RNFT2: variants seen among roughly 807,000 people sequenced by gnomAD.
RNFT2 encodes E3 ubiquitin-protein ligase RNFT2.
In RNFT2, 36 loss-of-function variants were observed where a neutral mutation model predicts 53.0. The observed-to-expected ratio is 0.68, with a 90% CI of 0.52 to 0.90. The LOEUF (loss-of-function observed/expected upper bound fraction) is 0.90, where lower values mean the gene tolerates loss of function less well. Among genes scored for constraint, RNFT2 ranks in the 40% least tolerant of loss-of-function variants. RNFT2 has a pLI of 0.00. For missense variants in RNFT2, 514 were observed against 585.6 expected, an observed-to-expected ratio of 0.88 and a Z score of 1.26; for synonymous variants, 260 against 253.2, an observed-to-expected ratio of 1.03 and a Z score of -0.26.
At chr12:116,781,670 C>G (rs113307712) in intron 7 of RNFT2, among the ~76,000 whole-genome samples, 4 of 152,064 alleles carry the variant, frequency 2.6e-5, no homozygotes, top group African/African-American at 4.8e-5. Flanking sequence ...TTATAAGGAC[C>G]CTGTGATGAC....
At chr12:116,762,182 C>G (rs1872717406) in intron 5 of RNFT2, among the ~76,000 whole-genome samples, 1 of 151,888 alleles carries the variant, frequency 6.6e-6, no homozygotes, top group Admixed American at 6.6e-5. Context: ...AGTTTGAGAC[C>G]AGCCTGAACA....
intron 6 of RNFT2, among the ~76,000 whole-genome samples, chr12:116,767,419 G>A (rs1017027473): frequency 6.6e-6 from 1 of 152,004 alleles, no homozygotes; most frequent in Non-Finnish European, 1.5e-5. Context: ...GGGTTTCCCT[G>A]TGTTGCCCAG....
intron 7 of RNFT2, among the ~76,000 whole-genome samples, chr12:116,830,982 G>T (rs1056487563): frequency 6.6e-6 from 1 of 151,554 alleles, no homozygotes; most frequent in Non-Finnish European, 1.5e-5. Context: ...TATTTGTCAC[G>T]TCTCCTTAAT....
chr12:116,758,617 A>G lies in RNFT2; in HGVS notation c.627+4557A>G, dbSNP rs191488070. Among the ~76,000 whole-genome samples, 370 of 152,160 alleles carry G rather than the reference A, an allele frequency of 2.4e-3. 5 individuals are homozygous for G. The highest frequency in any genetic ancestry group is 2.9e-4 in the Non-Finnish European group (20 of 68,010). On this transcript the variant is annotated intron_variant, in intron 5 of 10. Coordinates refer to ENST00000257575, the MANE Select transcript of RNFT2 (RefSeq NM_001382266.1). ...ATACTGTATCTTTCCTTCATATATG[A>G]TTGTTAGTTTCACTGGATACAAAAT...
intron 3 of RNFT2, among the ~76,000 whole-genome samples, chr12:116,742,791 CTT>C (rs1220897549): frequency 1.3e-5 from 2 of 152,108 alleles, no homozygotes; most frequent in African/African-American, 4.8e-5. Context: ...TACTAAAAAA[CTT>C]TAAAACTAGC....
At chr12:116,771,484 A>AT (rs1288359294) in intron 6 of RNFT2, among the ~76,000 whole-genome samples, 5,416 of 114,394 alleles carry the variant, frequency 0.047, 425 homozygotes, top group East Asian at 0.081. Flanking sequence ...AAAAAAAAAA[A>AT]AAAAAAAAAA....
intron 6 of RNFT2, among the ~76,000 whole-genome samples, chr12:116,771,104 T>C (rs189288673): frequency 1.3e-5 from 2 of 152,232 alleles, no homozygotes; most frequent in African/African-American, 4.8e-5. Context: ...TTGCTCTCTG[T>C]TTTTAAAGGA....
intron 7 of RNFT2, among the ~76,000 whole-genome samples, chr12:116,794,672 A>AGGAAGGGAGAGAGGGAGGG (rs1555262142): frequency 3.4e-5 from 2 of 59,574 alleles, no homozygotes; most frequent in Non-Finnish European, 5.6e-5. Context: ...GGGAGGAAGG[A>AGGAAGGGAGAGAGGGAGGG]AGGGAGGGAG....
chr12:116,851,695 T>A lies in RNFT2; in HGVS notation c.*2247T>A, dbSNP rs1356537594. The A allele has an allele frequency of 4.5e-6, 3 of 663,470 alleles. No individual in the cohort carries two copies. The highest frequency in any genetic ancestry group is 8.1e-6 in the Non-Finnish European group (3 of 371,218). 41.1% of individuals were successfully genotyped at this position (663,470 alleles called of 1,614,324 possible). Reference sequence around the variant, plus strand: ...GGTGAAAGTTGCAGTGAGCCGAGATTGCACCACAGCACTCCAACCTGGGTG... The same window carrying A: ...GGTGAAAGTTGCAGTGAGCCGAGATAGCACCACAGCACTCCAACCTGGGTG... On this transcript the variant is annotated 3_prime_UTR_variant, in exon 11 of 11. Transcript: ENST00000257575.
intron 5 of RNFT2, among the ~76,000 whole-genome samples, chr12:116,759,790 G>A (rs1392129920): frequency 6.6e-6 from 1 of 152,170 alleles, no homozygotes; most frequent in Non-Finnish European, 1.5e-5. Context: ...GACTCCGTGA[G>A]GGTTCTTAGC....
chr12:116,784,808 G>A (rs992241586), intron 7 of RNFT2, among the ~76,000 whole-genome samples: 2 of 152,028 alleles, frequency 1.3e-5, no homozygotes, highest in African/African-American at 4.8e-5. Context: ...CCTAGTGCTC[G>A]CCACCATGAG....
chr12:116,811,749 C>T (rs890090200), intron 7 of RNFT2, among the ~76,000 whole-genome samples: 1 of 152,218 alleles, frequency 6.6e-6, no homozygotes, highest in Non-Finnish European at 1.5e-5. Context: ...CGTGGAAATC[C>T]AGGCCCTGTT....
rs1872129410 is a variant in RNFT2 at position 116,750,295 on chromosome 12, C to T, written c.538C>T (p.Gln180Ter). Residue 180 changes from glutamine (Q) to a stop codon, truncating the protein, a stop_gained, in exon 4 of 11, where the codon CAG (glutamine) becomes TAG (stop). Coordinates refer to ENST00000257575, the MANE Select transcript of RNFT2 (RefSeq NM_001382266.1). LOFTEE classifies it high-confidence loss of function. ...GATCCTCCTGGCCAAACTGTGCTTT[C>T]AGCATAAGCTCGGTGAGTTCTGGGG... is the stretch of plus-strand genomic sequence containing the variant. Reference protein sequence around the residue: ...ILILLAKLCFQHKLGIAVCIG... With the variant: ...ILILLAKLCF The T allele has an allele frequency of 6.2e-7, 1 of 1,601,520 alleles. No homozygotes were observed. The highest frequency in any genetic ancestry group is 8.5e-7 in the Non-Finnish European group (1 of 1,178,806).
At chr12:116,785,159 T>C (rs1873872846) in intron 7 of RNFT2, among the ~76,000 whole-genome samples, 1 of 151,836 alleles carries the variant, frequency 6.6e-6, no homozygotes, top group African/African-American at 2.4e-5. Context: ...AGATGCTCCT[T>C]CTCTAATGGA....
intron 3 of RNFT2, among the ~76,000 whole-genome samples, chr12:116,741,491 T>G (rs1871606608): frequency 6.6e-6 from 1 of 152,192 alleles, no homozygotes; most frequent in Non-Finnish European, 1.5e-5. Context: ...AGGCCCACTT[T>G]CTGGTTCACT....
rs1465817607 is a variant in RNFT2, at chr12:116,853,072, A to G, written c.*3624A>G. 2 of 418,894 alleles carry G rather than the reference A, an allele frequency of 4.8e-6. No individual in the cohort carries two copies. Among genetic ancestry groups the G allele is most frequent in the Non-Finnish European group, 8.4e-6 (2 of 238,722 alleles). 25.9% of individuals were successfully genotyped at this position (418,894 alleles called of 1,614,324 possible). A position where few individuals can be genotyped will look rare whatever the true frequency, so the allele number is the denominator to read the frequency against. On this transcript the variant is annotated 3_prime_UTR_variant, in exon 11 of 11. Transcript: ENST00000257575. ...ACCCTCTGGGGGAACGTCCCATCTG[A>G]GGTTTTCTTCTCGGTGGGGGGATTT...
chr12:116,750,362 G>A (rs569926001), intron 4 of RNFT2, 55 bp downstream of exon 4: 552 of 1,516,682 alleles, frequency 3.6e-4, no homozygotes, highest in Admixed American at 4.4e-4. Context: ...CAGGCTGCCT[G>A]CAGCCGGTGG....
chr12:116,821,798 G>GTTTTT (rs1876041924), intron 7 of RNFT2, among the ~76,000 whole-genome samples: 2 of 61,966 alleles, frequency 3.2e-5, no homozygotes, highest in African/African-American at 1.3e-4. Flanking sequence ...CTGACTACTT[G>GTTTTT]TTTCTTTTTT....
Position 116,849,862 on chromosome 12 carries a change from A to T in RNFT2, c.*414A>T, listed in dbSNP as rs1311456696. 464 of 77,296 alleles carry T rather than the reference A, an allele frequency of 6.0e-3. 20 individuals carry two copies. The Admixed American group carries it at 0.13, about 22-fold the overall frequency. 4.8% of individuals were successfully genotyped at this position (77,296 alleles called of 1,614,324 possible). A position where few individuals can be genotyped will look rare whatever the true frequency, so the allele number is the denominator to read the frequency against. ...CTTCCTTCCTTTTTTTTTTTTTTTT[A>T]AAACAAGGTCTCGCTCTATCACCCA... On this transcript the variant is annotated 3_prime_UTR_variant, in exon 11 of 11. Transcript: ENST00000257575.
Sources: gnomAD v4.1 joint callset for allele counts (sites outside exome capture counted in the v4.1 genomes callset) on GRCh38, gnomAD v4.1.1 for gene constraint, MANE v1.5 for transcripts, NCBI Gene and HGNC (gene_info 2026-07-23, HGNC 2026-07-21) for gene names.